STPG2: variants seen among roughly 807,000 people sequenced by gnomAD.
STPG2 encodes sperm-tail PG-rich repeat-containing protein 2.
Under a neutral mutation model 54.2 loss-of-function variants are expected in STPG2, and 56 were observed. The ratio of observed to expected loss-of-function variants is 1.03; its 90% CI spans 0.83 to 1.29. STPG2 has a LOEUF of 1.29. Ranked by LOEUF, STPG2 falls within the 50% of genes most tolerant of loss-of-function variation. The probability of loss-of-function intolerance (pLI) is 0.00; values close to 1 mark genes in which losing one functional copy is unlikely to be tolerated. For missense variants in STPG2, 596 were observed against 544.9 expected (o/e 1.09, Z -0.93); for synonymous variants, 200 against 181.8 (o/e 1.10, Z -0.81).
At chr4:97,992,291 G>T (rs913969650) in intron 5 of STPG2, among the ~76,000 whole-genome samples, 1 of 152,132 alleles carries the variant, frequency 6.6e-6, no homozygotes, top group African/African-American at 2.4e-5. Context: ...TGAGAGATGA[G>T]GATCCAGTTT....
chr4:98,106,583 A>C (rs970404545), intron 4 of STPG2, among the ~76,000 whole-genome samples: 1 of 152,194 alleles, frequency 6.6e-6, no homozygotes, highest in African/African-American at 2.4e-5. Context: ...CTTTGGAGTT[A>C]GACAGCCTAA....
intron 10 of STPG2, among the ~76,000 whole-genome samples, chr4:97,561,347 G>A (rs1732235357): frequency 6.6e-6 from 1 of 152,124 alleles, no homozygotes. Flanking sequence ...CTGGATATTA[G>A]TCCTTTGTCA....
chr4:97,466,250 T>C (rs995515422), intron 4 of STPG2, among the ~76,000 whole-genome samples: 4 of 152,082 alleles, frequency 2.6e-5, no homozygotes, highest in Non-Finnish European at 4.4e-5. Flanking sequence ...TAGAAATTTT[T>C]GTGTTTATAC....
chr4:97,931,638 G>T (rs1268038678), intron 8 of STPG2, among the ~76,000 whole-genome samples: 1 of 64,552 alleles, frequency 1.5e-5, no homozygotes, highest in Non-Finnish European at 5.0e-5. Flanking sequence ...TTGGCTTGAA[G>T]TTTTTTTGTT....
At chr4:97,879,427 G>C (rs1006614739) in intron 8 of STPG2, among the ~76,000 whole-genome samples, 9 of 152,060 alleles carry the variant, frequency 5.9e-5, no homozygotes, top group African/African-American at 2.2e-4. Context: ...ATGGCTGGGG[G>C]AGGCCTCACA....
chr4:97,907,649 G>A (rs1043406592), intron 8 of STPG2, among the ~76,000 whole-genome samples: 1 of 152,138 alleles, frequency 6.6e-6, no homozygotes, highest in African/African-American at 2.4e-5. Flanking sequence ...AAAACAGCAT[G>A]GTACTGGTAC....
intron 10 of STPG2, among the ~76,000 whole-genome samples, chr4:97,584,927 C>A (rs1732953489): frequency 6.6e-6 from 1 of 151,668 alleles, no homozygotes; most frequent in South Asian, 2.1e-4. Flanking sequence ...TGAATTCTTT[C>A]AGGCACTCAG....
intron 5 of STPG2, among the ~76,000 whole-genome samples, chr4:97,993,406 C>T (rs571525442): frequency 6.6e-6 from 1 of 152,150 alleles, no homozygotes; most frequent in African/African-American, 2.4e-5. Flanking sequence ...TCAAACCATC[C>T]CTGCATCCCT....
chr4:97,660,813 C>T (rs1011712106), intron 10 of STPG2, among the ~76,000 whole-genome samples: 1 of 152,020 alleles, frequency 6.6e-6, no homozygotes, highest in Non-Finnish European at 1.5e-5. Context: ...AAATAAATTG[C>T]CTTGAGTCAC....
At chr4:97,756,424 C>T (rs371945116) in intron 9 of STPG2, among the ~76,000 whole-genome samples, 5 of 152,070 alleles carry the variant, frequency 3.3e-5, no homozygotes, top group African/African-American at 4.8e-5. Flanking sequence ...TGGGTTCAAG[C>T]GATTCTCCTG....
intron 4 of STPG2, among the ~76,000 whole-genome samples, chr4:97,502,546 G>A (rs1164012201): frequency 2.6e-5 from 4 of 151,828 alleles, no homozygotes; most frequent in Non-Finnish European, 4.4e-5. Context: ...TGGCTAAAAA[G>A]CAAACTAGTA....
chr4:97,829,035 T>A (rs999264373), intron 9 of STPG2, among the ~76,000 whole-genome samples: 5 of 152,174 alleles, frequency 3.3e-5, no homozygotes, highest in Non-Finnish European at 5.9e-5. Context: ...AGGGTCAGAC[T>A]GCCTCCTCAA....
chr4:98,070,396 C>G (rs960952793), intron 5 of STPG2, among the ~76,000 whole-genome samples: 8 of 151,796 alleles, frequency 5.3e-5, no homozygotes, highest in Admixed American at 5.3e-4. Context: ...TATGACAAAC[C>G]CATAGCAAAT....
At chr4:97,634,350 A>G (rs1451665037) in intron 10 of STPG2, among the ~76,000 whole-genome samples, 1 of 152,156 alleles carries the variant, frequency 6.6e-6, no homozygotes, top group African/African-American at 2.4e-5. Flanking sequence ...GTACATCACC[A>G]TCATCAAAGA....
intron 4 of STPG2, among the ~76,000 whole-genome samples, chr4:97,469,985 TA>T (rs1276775038): frequency 6.6e-6 from 1 of 152,104 alleles, no homozygotes; most frequent in African/African-American, 2.4e-5. Flanking sequence ...GAGCTATGTG[TA>T]AATAAAGAAA....
At chr4:97,473,241 G>A (rs995678352) in intron 4 of STPG2, among the ~76,000 whole-genome samples, 2 of 152,268 alleles carry the variant, frequency 1.3e-5, no homozygotes, top group South Asian at 2.1e-4. Flanking sequence ...AACTCTGACC[G>A]CTGGTGAGCT....
At chr4:97,650,906 A>G (rs1328474790) in intron 10 of STPG2, among the ~76,000 whole-genome samples, 1 of 152,080 alleles carries the variant, frequency 6.6e-6, no homozygotes, top group Non-Finnish European at 1.5e-5. Context: ...GTCAAACTGG[A>G]AAGTAAGTCA....
chr4:97,657,700 T>C (rs960099729), intron 10 of STPG2, among the ~76,000 whole-genome samples: 1 of 152,200 alleles, frequency 6.6e-6, no homozygotes, highest in African/African-American at 2.4e-5. Flanking sequence ...CATTGTTTGA[T>C]GTGAACTCAA....
At chr4:98,070,899 T>C (rs1170684397) in intron 5 of STPG2, among the ~76,000 whole-genome samples, 1 of 152,062 alleles carries the variant, frequency 6.6e-6, no homozygotes, top group Non-Finnish European at 1.5e-5. Context: ...TGCTCATGGA[T>C]AGGAAGAATC....
Sources: allele counts gnomAD v4.1 joint callset (sites outside exome capture counted in the v4.1 genomes callset), GRCh38; gene constraint gnomAD v4.1.1; transcripts MANE v1.5; gene names NCBI Gene and HGNC (gene_info 2026-07-23, HGNC 2026-07-21).